Variants in CERS6 observed in about 807,000 individuals in gnomAD.
CERS6 encodes the protein ceramide synthase 6.
Under a neutral mutation model 56.8 loss-of-function variants are expected in CERS6, and 26 were observed. The observed-to-expected ratio is 0.46, with a 90% CI of 0.34 to 0.63. The LOEUF is 0.63. Among genes scored for constraint, CERS6 ranks in the 30% least tolerant of loss-of-function variants. CERS6 has a pLI of 0.01. For missense variants in CERS6, 415 were observed against 467.5 expected (o/e 0.89, Z 1.04); for synonymous variants, 164 against 173.3 (o/e 0.95, Z 0.42).
At chr2:168,696,670 C>T (rs1030253719) in intron 6 of CERS6, among the ~76,000 whole-genome samples, 1 of 152,186 alleles carries the variant, frequency 6.6e-6, no homozygotes, top group Non-Finnish European at 1.5e-5. Context: ...TCATAGATGA[C>T]AACCTTCTCA....
rs371458031 is a variant in CERS6, at chr2:168,625,880, A to T, written c.408-5105A>T. 4.6e-5 allele frequency among the ~76,000 whole-genome samples: 7 copies of T among 152,322 alleles called. No individual in the cohort carries two copies. The East Asian group carries it at 9.6e-4, about 21-fold the overall frequency. On this transcript the variant is annotated intron_variant, in intron 3 of 9. Transcript: ENST00000305747. ...CTCTTCTATCCCCAGATTTGCAAGC[A>T]GTCAGTTTTCATTCATCAGGGTAGA... is the stretch of plus-strand genomic sequence containing the variant.
chr2:168,756,265 C>T (rs1684414286), intron 8 of CERS6, among the ~76,000 whole-genome samples: 1 of 152,206 alleles, frequency 6.6e-6, no homozygotes, highest in African/African-American at 2.4e-5. Context: ...AGGAGTCAGC[C>T]TTATCTATCC....
At chr2:168,746,974 C>T (rs900924839) in intron 8 of CERS6, among the ~76,000 whole-genome samples, 1 of 151,286 alleles carries the variant, frequency 6.6e-6, no homozygotes, top group Non-Finnish European at 1.5e-5. Context: ...GTGTTAATTA[C>T]CATTTTGGCA....
chr2:168,751,418 T>C (rs1235373036), intron 8 of CERS6, among the ~76,000 whole-genome samples: 1 of 152,172 alleles, frequency 6.6e-6, no homozygotes, highest in African/African-American at 2.4e-5. Context: ...AAATTAAGCT[T>C]TGTTCTCTCT....
intron 1 of CERS6, among the ~76,000 whole-genome samples, chr2:168,524,160 G>A (rs1270941106): frequency 6.6e-6 from 1 of 152,184 alleles, no homozygotes; most frequent in Non-Finnish European, 1.5e-5. Context: ...AGCAGGTAGT[G>A]TGTTTTATGC....
intron 3 of CERS6, among the ~76,000 whole-genome samples, chr2:168,607,526 C>A (rs970552617): frequency 1.3e-5 from 2 of 152,098 alleles, no homozygotes; most frequent in African/African-American, 4.8e-5. Flanking sequence ...GGATTACAGA[C>A]ACATGCCACT....
In CERS6 at chr2:168,773,479, G is replaced by A. The variant is rs1020028709; in HGVS notation, c.*3817G>A. ...AGATAAATAATAATAGCCCTGAGAT[G>A]TTTCTAACATTTAAATAAGAAAAAA... On this transcript the variant is annotated 3_prime_UTR_variant, in exon 10 of 10. Coordinates refer to ENST00000305747, the MANE Select transcript of CERS6 (RefSeq NM_203463.3). 1.3e-5 allele frequency: 2 copies of A among 152,098 alleles called. No individual in the cohort carries two copies. Among genetic ancestry groups the A allele is most frequent in the African/African-American group, 4.8e-5 (2 of 41,392 alleles). 9.4% of individuals were successfully genotyped at this position (152,098 alleles called of 1,614,324 possible). A position where few individuals can be genotyped will look rare whatever the true frequency, so the allele number is the denominator to read the frequency against.
At chr2:168,735,993 G>A (rs1683706370) in intron 8 of CERS6, among the ~76,000 whole-genome samples, 1 of 152,024 alleles carries the variant, frequency 6.6e-6, no homozygotes, top group Non-Finnish European at 1.5e-5. Flanking sequence ...ACTGCTTGAG[G>A]CCAGGAGTTT....
At chr2:168,608,580 G>A (rs1684110237) in intron 3 of CERS6, among the ~76,000 whole-genome samples, 1 of 152,012 alleles carries the variant, frequency 6.6e-6, no homozygotes, top group African/African-American at 2.4e-5. Flanking sequence ...ATTCTAGTGG[G>A]GTGTGAAGTG....
At chr2:168,591,987 G>A (rs1683681863) in intron 3 of CERS6, among the ~76,000 whole-genome samples, 1 of 152,164 alleles carries the variant, frequency 6.6e-6, no homozygotes, top group Non-Finnish European at 1.5e-5. Context: ...TTGGGCCTCA[G>A]GGTGCCCAAC....
intron 1 of CERS6, among the ~76,000 whole-genome samples, chr2:168,481,169 A>G (rs1694170552): frequency 1.3e-5 from 2 of 152,208 alleles, no homozygotes; most frequent in Admixed American, 1.3e-4. Context: ...TAATCCCAAC[A>G]CTTTGGGAGG....
At position 168,456,294 on chromosome 2, in the gene CERS6, G is replaced by A. The variant is rs540803186; in HGVS notation, c.-155G>A. On this transcript the variant is annotated 5_prime_UTR_variant, in exon 1 of 10. Coordinates refer to ENST00000305747, the MANE Select transcript of CERS6 (RefSeq NM_203463.3). This position sits in a 1 kb window ranked among gnomAD's most constrained non-coding sequence, Gnocchi z 4.1. The stretch of plus-strand genomic sequence containing the variant: ...ACCGGGGCTCGCCGCGAGCCTTCGA[G>A]AGCAGCGGCCGCGGAGGAGGCGGCG... 7 of 272,008 alleles carry A rather than the reference G, an allele frequency of 2.6e-5. No individual in the cohort carries two copies. The South Asian group carries it at 6.6e-4, about 26-fold the overall frequency. 16.8% of individuals were successfully genotyped at this position (272,008 alleles called of 1,614,324 possible). A position where few individuals can be genotyped will look rare whatever the true frequency, so the allele number is the denominator to read the frequency against.
At chr2:168,510,981 C>G (rs1435119236) in intron 1 of CERS6, among the ~76,000 whole-genome samples, 1 of 152,160 alleles carries the variant, frequency 6.6e-6, no homozygotes, top group Non-Finnish European at 1.5e-5. Context: ...GGGATTTGAA[C>G]CTGTCTTGTG....
At chr2:168,504,332 C>T (rs1371772259) in intron 1 of CERS6, among the ~76,000 whole-genome samples, 1 of 151,910 alleles carries the variant, frequency 6.6e-6, no homozygotes, top group Admixed American at 6.6e-5. Context: ...GATTGCACCA[C>T]TGCACTCCAG....
At position 168,456,856 on chromosome 2, in the gene CERS6, G is replaced by T. The variant is rs1208936471; in HGVS notation, c.170+238G>T. On this transcript the variant is annotated intron_variant, in intron 1 of 9. Transcript: ENST00000305747. This position sits in a 1 kb window ranked among gnomAD's most constrained non-coding sequence, Gnocchi z 4.1. ...CCGGGGAGGAGCCGCGGAGCGTTAG[G>T]GTCGCCCCCTGCCCTCCTCCTGGGC... Among the ~76,000 whole-genome samples, 26 of 152,202 alleles carry T rather than the reference G, an allele frequency of 1.7e-4. No homozygotes were observed. The highest frequency in any genetic ancestry group is 2.4e-5 in the African/African-American group (1 of 41,468).
chr2:168,468,933 C>T (rs575361057), intron 1 of CERS6, among the ~76,000 whole-genome samples: 103 of 152,234 alleles, frequency 6.8e-4, no homozygotes, highest in Middle Eastern at 3.4e-3. Context: ...ATTTAGACAG[C>T]TCAGAAACAT....
chr2:168,606,840 T>C (rs1250848295), intron 3 of CERS6, among the ~76,000 whole-genome samples: 1 of 152,142 alleles, frequency 6.6e-6, no homozygotes, highest in Non-Finnish European at 1.5e-5. Flanking sequence ...AATAGTGAGT[T>C]CTCATGAGAT....
intron 4 of CERS6, among the ~76,000 whole-genome samples, chr2:168,631,457 A>G (rs1486719888): frequency 7.7e-6 from 1 of 129,112 alleles, no homozygotes; most frequent in African/African-American, 2.9e-5. Flanking sequence ...TATATATTAT[A>G]TAAAAATATA....
intron 1 of CERS6, among the ~76,000 whole-genome samples, chr2:168,484,726 C>T (rs1268904105): frequency 6.6e-6 from 1 of 150,668 alleles, no homozygotes; most frequent in Non-Finnish European, 1.5e-5. Context: ...AGAACAGGGG[C>T]TTTAGTGTCT....
Sources: gnomAD v4.1 joint callset for allele counts (sites outside exome capture counted in the v4.1 genomes callset) on GRCh38, gnomAD v4.1.1 for gene constraint, Gnocchi (gnomAD v3.1) non-coding constraint, MANE v1.5 for transcripts, NCBI Gene and HGNC (gene_info 2026-07-23, HGNC 2026-07-21) for gene names.